Variants in RGS6 observed in about 807,000 individuals in gnomAD.
RGS6 encodes the protein regulator of G-protein signaling 6.
RGS6 carries 30 observed loss-of-function variants against 78.5 expected under a neutral mutation model. That is an observed-to-expected ratio of 0.38 (90% CI 0.29 to 0.52). The LOEUF (loss-of-function observed/expected upper bound fraction) is 0.52. Ranked by LOEUF, RGS6 falls within the 20% of genes least tolerant of loss-of-function variation. The probability of loss-of-function intolerance (pLI) is 0.85; values close to 1 mark genes in which losing one functional copy is unlikely to be tolerated. For missense variants in RGS6, 495 were observed against 609.7 expected (o/e 0.81, Z 1.98); for synonymous variants, 206 against 206.0 (o/e 1.00, Z 0.00).
chr14:72,468,704 T>C (rs1357277153), intron 7 of RGS6, among the ~76,000 whole-genome samples: 1 of 152,216 alleles, frequency 6.6e-6, no homozygotes, highest in Non-Finnish European at 1.5e-5. Context: ...GTCTTTACCA[T>C]GTCAGTAACT....
intron 2 of RGS6, among the ~76,000 whole-genome samples, chr14:72,231,524 G>A (rs2049584355): frequency 6.6e-6 from 1 of 152,172 alleles, no homozygotes; most frequent in African/African-American, 2.4e-5. Flanking sequence ...TTCTGTTGGT[G>A]GGAGGAGGTA....
At chr14:72,464,487 A>G (rs1360114271) in intron 6 of RGS6, among the ~76,000 whole-genome samples, 3 of 152,200 alleles carry the variant, frequency 2.0e-5, no homozygotes, top group Admixed American at 6.5e-5. Flanking sequence ...TGTCATAGGT[A>G]TCAGTAAATT....
At chr14:72,216,056 A>G (rs2045484171) in intron 2 of RGS6, among the ~76,000 whole-genome samples, 1 of 152,196 alleles carries the variant, frequency 6.6e-6, no homozygotes, top group African/African-American at 2.4e-5. Flanking sequence ...ATTATATGCT[A>G]CCAATTAATT....
intron 2 of RGS6, among the ~76,000 whole-genome samples, chr14:72,023,602 G>T (rs555485065): frequency 6.6e-6 from 1 of 152,236 alleles, no homozygotes; most frequent in Non-Finnish European, 1.5e-5. Context: ...GAAAGAAGGC[G>T]GGGGAAGGAA....
intron 2 of RGS6, among the ~76,000 whole-genome samples, chr14:72,053,083 T>TCCCTC (rs1458839360): frequency 1.7e-3 from 6 of 3,592 alleles, no homozygotes; most frequent in African/African-American, 4.4e-3. Flanking sequence ...CTCCCTCCCT[T>TCCCTC]CCTTCCTTCC....
At chr14:72,006,854 G>T (rs1386866819) in intron 2 of RGS6, among the ~76,000 whole-genome samples, 1 of 152,150 alleles carries the variant, frequency 6.6e-6, no homozygotes, top group African/African-American at 2.4e-5. Flanking sequence ...ACGAGGCAGC[G>T]GGCTGTGGAA....
chr14:71,990,989 T>C (rs1005261040), intron 2 of RGS6: 1 of 371,166 alleles, frequency 2.7e-6, no homozygotes, highest in African/African-American at 2.1e-5. Context: ...CTACGCAATA[T>C]GAAAATGACA....
intron 2 of RGS6, among the ~76,000 whole-genome samples, chr14:72,172,526 C>T (rs1402859693): frequency 2.0e-5 from 3 of 152,038 alleles, no homozygotes; most frequent in Non-Finnish European, 4.4e-5. Context: ...TGCATCCTCC[C>T]CCCAGCATTG....
chr14:72,165,300 A>G (rs2096909487), intron 2 of RGS6, among the ~76,000 whole-genome samples: 1 of 152,224 alleles, frequency 6.6e-6, no homozygotes, highest in African/African-American at 2.4e-5. Flanking sequence ...CATCTACCCA[A>G]CAGGTGGATT....
intron 3 of RGS6, among the ~76,000 whole-genome samples, chr14:72,419,168 T>C (rs2094018260): frequency 6.6e-6 from 1 of 152,220 alleles, no homozygotes; most frequent in Non-Finnish European, 1.5e-5. Flanking sequence ...TGGCAAGAAG[T>C]CCCATGGTTG....
intron 2 of RGS6, among the ~76,000 whole-genome samples, chr14:72,140,993 T>C (rs1449542202): frequency 6.6e-6 from 1 of 152,214 alleles, no homozygotes; most frequent in Non-Finnish European, 1.5e-5. Context: ...TAGCAAACTA[T>C]ATTTGAACAT....
intron 3 of RGS6, among the ~76,000 whole-genome samples, chr14:72,362,101 C>T (rs994471681): frequency 2.6e-5 from 4 of 152,114 alleles, no homozygotes; most frequent in African/African-American, 9.7e-5. Context: ...GTAATAAATG[C>T]CTGCTGTTGC....
chr14:71,936,030 A>ACATATATACATATATATATATATATATG (rs2089186015), intron 1 of RGS6, among the ~76,000 whole-genome samples: 1 of 133,222 alleles, frequency 7.5e-6, no homozygotes, highest in Non-Finnish European at 1.6e-5. Context: ...ATATATATAT[A>ACATATATACATATATATATATATATATG]TATATATATA....
At chr14:72,206,105 T>A (rs1032359265) in intron 2 of RGS6, among the ~76,000 whole-genome samples, 1 of 152,120 alleles carries the variant, frequency 6.6e-6, no homozygotes, top group African/African-American at 2.4e-5. Context: ...CTTAAATGTA[T>A]GTCTATAATA....
chr14:72,255,231 G>A (rs1381142114), intron 2 of RGS6, among the ~76,000 whole-genome samples: 1 of 152,160 alleles, frequency 6.6e-6, no homozygotes, highest in Non-Finnish European at 1.5e-5. Context: ...GCTGTCCCCG[G>A]TTGTCTCATA....
chr14:72,324,460 A>G (rs2073122387), intron 2 of RGS6, among the ~76,000 whole-genome samples: 1 of 152,014 alleles, frequency 6.6e-6, no homozygotes, highest in Admixed American at 6.6e-5. Context: ...GCACACATTA[A>G]CTCGCCATTT....
At chr14:72,589,347 C>T in the RGS6 span, among the ~76,000 whole-genome samples, 6 of 152,120 alleles carry the variant, frequency 3.9e-5, no homozygotes, top group Admixed American at 2.0e-4. Flanking sequence ...CCCAGGAGTT[C>T]GAGACCAGCC....
chr14:72,117,460 G>A (rs2095925154), intron 2 of RGS6, among the ~76,000 whole-genome samples: 1 of 151,760 alleles, frequency 6.6e-6, no homozygotes, highest in Non-Finnish European at 1.5e-5. Flanking sequence ...CACCATGATT[G>A]TAGCTTCCTG....
intron 12 of RGS6, among the ~76,000 whole-genome samples, chr14:72,484,168 A>AT (rs2096442178): frequency 6.6e-6 from 1 of 152,122 alleles, no homozygotes; most frequent in African/African-American, 2.4e-5. Context: ...CCCCTTTAAT[A>AT]TTCCAATTCC....
Sources: allele counts gnomAD v4.1 joint callset (sites outside exome capture counted in the v4.1 genomes callset), GRCh38; gene constraint gnomAD v4.1.1; transcripts MANE v1.5; gene names NCBI Gene and HGNC (gene_info 2026-07-23, HGNC 2026-07-21).